The following IFI44L variants were observed in gnomAD, a reference collection of about 807,000 sequenced individuals.
IFI44L encodes the protein interferon induced protein 44 like, also known as interferon-induced protein 44-like.
IFI44L carries 40 observed loss-of-function variants against 39.3 expected under a neutral mutation model. The observed-to-expected ratio is 1.02, with a 90% CI of 0.79 to 1.33. IFI44L has a LOEUF of 1.33. IFI44L is among the 40% of genes most tolerant of loss of function. The pLI is 0.00. For synonymous variants in IFI44L, 198 were observed against 182.3 expected (o/e 1.09, Z -0.69); for missense variants, 623 against 549.0 (o/e 1.13, Z -1.35).
intron 1 of IFI44L, among the ~76,000 whole-genome samples, chr1:78,621,541 G>C (rs1287828903): frequency 6.6e-6 from 1 of 151,970 alleles, no homozygotes; most frequent in East Asian, 1.9e-4. Context: ...CAAAGTGCTG[G>C]GATTACAGGT....
At chr1:78,633,645 T>G (rs559228559) in intron 4 of IFI44L, among the ~76,000 whole-genome samples, 1 of 152,300 alleles carries the variant, frequency 6.6e-6, no homozygotes, top group East Asian at 1.9e-4. Flanking sequence ...GAGATGTTTA[T>G]ACATTGACAC....
At chr1:78,623,542 TA>T (rs999312259) in intron 1 of IFI44L, among the ~76,000 whole-genome samples, 1 of 151,170 alleles carries the variant, frequency 6.6e-6, no homozygotes, top group African/African-American at 2.4e-5. Context: ...AAAATAAAAT[TA>T]AAAAAAAACT....
rs1647026107 is a variant in IFI44L at position 78,644,549 on chromosome 1, CT to C, written c.*2744del. 1 of 152,116 alleles carries C rather than the reference CT, an allele frequency of 6.6e-6. No homozygotes were observed. The highest frequency in any genetic ancestry group is 2.1e-4 in the South Asian group (1 of 4,832). The allele number at this position is 152,116 out of a possible 1,614,324, so 9.4% of individuals were successfully genotyped here. ...GGAGGCCTCAAAAAGGGGGAAACATCTTTTGTCTGGGAGGATATTTTCCATT... is the reference window on the plus strand; with the variant it reads ...GGAGGCCTCAAAAAGGGGGAAACATCTTTGTCTGGGAGGATATTTTCCATT... On this transcript the variant is annotated 3_prime_UTR_variant, in exon 9 of 9. Coordinates refer to ENST00000370751, the MANE Select transcript of IFI44L (RefSeq NM_006820.4).
intron 6 of IFI44L, 21 bp from the exon 7 acceptor site, chr1:78,641,000 T>A (rs753430438): frequency 6.6e-7 from 1 of 1,513,812 alleles, no homozygotes; most frequent in African/African-American, 1.4e-5. Context: ...ATAAAATAAC[T>A]GATTTATCTA....
In IFI44L at chr1:78,638,680, C is replaced by T. The variant is rs560357972; in HGVS notation, c.1048+1477C>T. On this transcript the variant is annotated intron_variant, in intron 6 of 8. Coordinates refer to ENST00000370751, the MANE Select transcript of IFI44L (RefSeq NM_006820.4). Reference sequence around the variant, plus strand: ...TCAAGTTGATTCTTTTTCAGGTCTTCTATTTCTTTGCTGAGACATCCCACT... The same window carrying T: ...TCAAGTTGATTCTTTTTCAGGTCTTTTATTTCTTTGCTGAGACATCCCACT... 1.2e-4 allele frequency among the ~76,000 whole-genome samples: 18 copies of T among 152,086 alleles called. No homozygotes were observed. The East Asian group carries it at 3.5e-3, about 29-fold the overall frequency.
At chr1:78,630,149 T>TA (rs199953378) in intron 4 of IFI44L, 5,990 of 411,448 alleles carry the variant, frequency 0.015, 81 homozygotes, top group Non-Finnish European at 0.016. Context: ...AGTATTTGTA[T>TA]AAAAAACAAC....
In IFI44L at chr1:78,646,086, C is replaced by T. The variant is rs1647045712; in HGVS notation, c.*4277C>T. The T allele has an allele frequency of 6.6e-6, 1 of 152,064 alleles. No individual in the cohort carries two copies. Among genetic ancestry groups the T allele is most frequent in the East Asian group, 1.9e-4 (1 of 5,194 alleles). The allele number at this position is 152,064 out of a possible 1,614,324, so 9.4% of individuals were successfully genotyped here. On this transcript the variant is annotated 3_prime_UTR_variant, in exon 9 of 9. Coordinates refer to ENST00000370751, the MANE Select transcript of IFI44L (RefSeq NM_006820.4). ...CATTTTTAAAAATTGATTTCTTTTG[C>T]ACATTCCATGACAATATATGTCACA...
chr1:78,643,161 A>C lies in IFI44L; in HGVS notation c.*1352A>C, dbSNP rs1005748487. On this transcript the variant is annotated 3_prime_UTR_variant, in exon 9 of 9. Coordinates refer to ENST00000370751, the MANE Select transcript of IFI44L (RefSeq NM_006820.4). ...GATATTAAGAAAGCAAGAGTTTCTT[A>C]TGTCCAGTTATGGAATATTTCCTAA... 2.5e-5 allele frequency: 3 copies of C among 122,204 alleles called. No homozygotes were observed. The highest frequency in any genetic ancestry group is 7.6e-5 in the African/African-American group (3 of 39,496). 7.6% of individuals were successfully genotyped at this position (122,204 alleles called of 1,614,324 possible).
Position 78,641,513 on chromosome 1 carries a change from C to T in IFI44L, c.1228C>T (p.Leu410=). 6.2e-7 allele frequency: 1 copy of T among 1,613,678 alleles called. No homozygotes were observed. The highest frequency in any genetic ancestry group is 8.5e-7 in the Non-Finnish European group (1 of 1,179,712). ...MVGNYASDLE[L]DPMKDILILS... The stretch of plus-strand genomic sequence containing the variant: ...TGGAAATTATGCTTCAGATTTGGAA[C>T]TGGACCCCATGAAGGATATTCTCAT... The change falls in exon 8 of 9, where the codon CTG becomes TTG. Residue 410 remains leucine (L), a synonymous_variant. Coordinates refer to ENST00000370751, the MANE Select transcript of IFI44L (RefSeq NM_006820.4).
chr1:78,633,980 G>A (rs1652847834), intron 4 of IFI44L, among the ~76,000 whole-genome samples: 1 of 152,038 alleles, frequency 6.6e-6, no homozygotes, highest in Admixed American at 6.6e-5. Flanking sequence ...TGATCAAGTA[G>A]AAGAGTCTGT....
chr1:78,642,535 C>T lies in IFI44L; in HGVS notation c.*726C>T, dbSNP rs1452952987. 1 of 151,752 alleles carries T rather than the reference C, an allele frequency of 6.6e-6. No homozygotes were observed. Among genetic ancestry groups the T allele is most frequent in the Non-Finnish European group, 1.5e-5 (1 of 68,008 alleles). 9.4% of individuals were successfully genotyped at this position (151,752 alleles called of 1,614,324 possible). ...AGTGAGCTGAGATTGTGCCACTGTACTCTAGCCAGGGAGAAAGAGTGAGAT... is the reference window on the plus strand; with the variant it reads ...AGTGAGCTGAGATTGTGCCACTGTATTCTAGCCAGGGAGAAAGAGTGAGAT... On this transcript the variant is annotated 3_prime_UTR_variant, in exon 9 of 9. Transcript: ENST00000370751.
chr1:78,625,388 A>G (rs1652447947), intron 1 of IFI44L, among the ~76,000 whole-genome samples: 1 of 152,074 alleles, frequency 6.6e-6, no homozygotes, highest in Non-Finnish European at 1.5e-5. Context: ...GTATTTTTCT[A>G]GAAATTTGTC....
chr1:78,628,865 C>T, intron 2 of IFI44L, 86 bp from the exon 3 acceptor site: 1 of 909,474 alleles, frequency 1.1e-6, no homozygotes, highest in Middle Eastern at 2.2e-4. Context: ...TGCAAGAAAA[C>T]TCCATGTCTT....
At chr1:78,635,002 G>A (rs1195241501) in intron 4 of IFI44L, among the ~76,000 whole-genome samples, 9 of 74,030 alleles carry the variant, frequency 1.2e-4, no homozygotes, top group Admixed American at 5.6e-4. Flanking sequence ...ATATATATAT[G>A]TGTGTGTGTG....
At position 78,620,460 on chromosome 1, in the gene IFI44L, C is replaced by G. The variant is rs564787418; in HGVS notation, c.-122C>G. ...CTCAGTTTTCTTTCTTTCCTAGAGT[C>G]TCTGAAGCCACAGATCTCTTAAGAA... On this transcript the variant is annotated 5_prime_UTR_variant, in exon 1 of 9. Transcript: ENST00000370751. 1.3e-5 allele frequency: 2 copies of G among 152,240 alleles called. No individual in the cohort carries two copies. Among genetic ancestry groups the G allele is most frequent in the East Asian group, 3.9e-4 (2 of 5,176 alleles). 9.4% of individuals were successfully genotyped at this position (152,240 alleles called of 1,614,324 possible).
At chr1:78,623,478 GA>G (rs1049722747) in intron 1 of IFI44L, among the ~76,000 whole-genome samples, 11 of 142,006 alleles carry the variant, frequency 7.7e-5, no homozygotes, top group Non-Finnish European at 1.5e-4. Context: ...TATCTATTGA[GA>G]TGACCAATTT....
rs139856302 is a variant in IFI44L at position 78,629,822 on chromosome 1, G to A, written c.630G>A (p.Lys210=). Residue 210 remains lysine (K), a synonymous_variant, in exon 4 of 9, where the codon AAG becomes AAA. Coordinates refer to ENST00000370751, the MANE Select transcript of IFI44L (RefSeq NM_006820.4). ...ILLVGPVGSG[K]SSFFNSVKSI... is the part of the protein sequence containing the mutation. ...TGGTGGGTCCAGTTGGGTCTGGAAA[G>A]TCCAGTTTTTTCAATTCAGTCAAGT... 156 of 1,613,692 alleles carry A rather than the reference G, an allele frequency of 9.7e-5. No individual in the cohort carries two copies. Among genetic ancestry groups the A allele is most frequent in the Admixed American group, 1.0e-4 (6 of 59,950 alleles).
At position 78,643,338 on chromosome 1, in the gene IFI44L, G is replaced by A. The variant is rs913853360; in HGVS notation, c.*1529G>A. 4 of 152,098 alleles carry A rather than the reference G, an allele frequency of 2.6e-5. No homozygotes were observed. Among genetic ancestry groups the A allele is most frequent in the African/African-American group, 7.2e-5 (3 of 41,430 alleles). 9.4% of individuals were successfully genotyped at this position (152,098 alleles called of 1,614,324 possible). A position where few individuals can be genotyped will look rare whatever the true frequency, so the allele number is the denominator to read the frequency against. ...AGTAGATATTGGGAACAAAATTAGA[G>A]AGGCAACCAGAAAAAGTTATTTTAG... On this transcript the variant is annotated 3_prime_UTR_variant, in exon 9 of 9. Transcript: ENST00000370751.
Position 78,629,863 on chromosome 1 carries a change from A to G in IFI44L, c.671A>G (p.His224Arg), listed in dbSNP as rs775213222. The G allele has an allele frequency of 1.2e-6, 2 of 1,613,776 alleles. No individual in the cohort carries two copies. Among genetic ancestry groups the G allele is most frequent in the Non-Finnish European group, 8.5e-7 (1 of 1,179,816 alleles). The change falls in exon 4 of 9, where the codon CAT becomes CGT. Residue 224 changes from histidine to arginine, a missense_variant. By Grantham distance (29) the His-to-Arg change is conservative (BLOSUM62 0). Coordinates refer to ENST00000370751, the MANE Select transcript of IFI44L (RefSeq NM_006820.4). ...TCAGTCAAGTCTATTTTTCATGGCC[A>G]TGTGACTGGCCAAGCCGTAGTGGGG... ...FNSVKSIFHG[H>R]VTGQAVVGSD...
Sources: gnomAD v4.1 joint callset for allele counts (sites outside exome capture counted in the v4.1 genomes callset) on GRCh38, gnomAD v4.1.1 for gene constraint, MANE v1.5 for transcripts, NCBI Gene and HGNC (gene_info 2026-07-23, HGNC 2026-07-21) for gene names.